The following ESRRG variants were observed in gnomAD, a reference collection of about 807,000 sequenced individuals.
The protein encoded by ESRRG is estrogen related receptor gamma.
ESRRG carries 13 observed loss-of-function variants against 44.0 expected under a neutral mutation model. That is an observed-to-expected ratio of 0.30 (90% CI 0.19 to 0.47). The LOEUF (loss-of-function observed/expected upper bound fraction) is 0.47, where lower values mean the gene tolerates loss of function less well. Among genes scored for constraint, ESRRG ranks in the 20% least tolerant of loss-of-function variants. The probability of loss-of-function intolerance (pLI) is 1.00; values close to 1 mark genes in which losing one functional copy is unlikely to be tolerated. For synonymous variants in ESRRG, 215 were observed against 214.6 expected (o/e 1.00, Z -0.02); for missense variants, 395 against 580.6 (o/e 0.68, Z 3.29).
chr1:216,868,770 T>C (rs2096213602), intron 2 of ESRRG, among the ~76,000 whole-genome samples: 2 of 152,222 alleles, frequency 1.3e-5, no homozygotes, highest in South Asian at 4.1e-4. Flanking sequence ...TCTAGTGATA[T>C]GCAATAAATT....
chr1:216,534,170 G>A (rs1498292), intron 5 of ESRRG, among the ~76,000 whole-genome samples: 6 of 152,152 alleles, frequency 3.9e-5, no homozygotes, highest in Non-Finnish European at 7.4e-5. Context: ...TTGCTCCCAC[G>A]AAGGCCACCT....
At chr1:216,875,232 T>C (rs1320551756) in intron 2 of ESRRG, among the ~76,000 whole-genome samples, 2 of 152,182 alleles carry the variant, frequency 1.3e-5, no homozygotes, top group Non-Finnish European at 1.5e-5. Flanking sequence ...CACTTTAACT[T>C]TTTAAAATTA....
chr1:216,692,253 G>A (rs2079180524), intron 1 of ESRRG, among the ~76,000 whole-genome samples: 1 of 151,836 alleles, frequency 6.6e-6, no homozygotes, highest in Admixed American at 6.6e-5. Flanking sequence ...AGGACTCGAT[G>A]TGGAGGTGGA....
chr1:217,119,213 A>C (rs1430540900), intron 1 of ESRRG, among the ~76,000 whole-genome samples: 2 of 152,216 alleles, frequency 1.3e-5, no homozygotes, highest in African/African-American at 4.8e-5. Flanking sequence ...TGCACAAGTC[A>C]ATTTTAAGGT....
chr1:216,831,256 T>C (rs2095483073), intron 2 of ESRRG, among the ~76,000 whole-genome samples: 1 of 152,162 alleles, frequency 6.6e-6, no homozygotes, highest in Admixed American at 6.5e-5. Flanking sequence ...ACCGATCAAC[T>C]GTTAATTAAA....
intron 2 of ESRRG, among the ~76,000 whole-genome samples, chr1:216,754,156 C>T (rs533149306): frequency 2.1e-4 from 32 of 152,124 alleles, no homozygotes; most frequent in Admixed American, 4.6e-4. Flanking sequence ...AAAACAAAAA[C>T]CCGAAACCTT....
chr1:217,021,780 A>T (rs1468204640), intron 1 of ESRRG, among the ~76,000 whole-genome samples: 1 of 152,198 alleles, frequency 6.6e-6, no homozygotes, highest in African/African-American at 2.4e-5. Context: ...TCTTGCTGAT[A>T]TTACACTACA....
At chr1:216,827,248 A>T (rs1206497365) in intron 2 of ESRRG, among the ~76,000 whole-genome samples, 1 of 152,192 alleles carries the variant, frequency 6.6e-6, no homozygotes, top group Non-Finnish European at 1.5e-5. Flanking sequence ...TGATATACTG[A>T]TCTGATTTTA....
At chr1:216,638,030 T>G (rs971444303) in intron 3 of ESRRG, among the ~76,000 whole-genome samples, 3 of 152,170 alleles carry the variant, frequency 2.0e-5, no homozygotes, top group Non-Finnish European at 4.4e-5. Context: ...AAGTCATATT[T>G]TATTGAGCAC....
chr1:216,587,123 A>G (rs1185190374), intron 3 of ESRRG, among the ~76,000 whole-genome samples: 4 of 152,226 alleles, frequency 2.6e-5, no homozygotes, highest in Non-Finnish European at 5.9e-5. Context: ...ATTTAGACAT[A>G]CATTCCATAG....
intron 1 of ESRRG, among the ~76,000 whole-genome samples, chr1:217,007,339 C>A (rs2077887558): frequency 1.3e-5 from 2 of 152,066 alleles, no homozygotes; most frequent in Admixed American, 1.3e-4. Context: ...TTTTCCCATA[C>A]TTCTATGTTA....
At chr1:216,537,200 G>T (rs2051234417) in intron 5 of ESRRG, among the ~76,000 whole-genome samples, 1 of 151,934 alleles carries the variant, frequency 6.6e-6, no homozygotes, top group Admixed American at 6.6e-5. Flanking sequence ...TGAAATTAGT[G>T]CCCTTATGAA....
At chr1:216,881,966 T>TG (rs765167278) in intron 2 of ESRRG, among the ~76,000 whole-genome samples, 3 of 124,682 alleles carry the variant, frequency 2.4e-5, no homozygotes, top group African/African-American at 3.4e-5. Flanking sequence ...TGCTATGCAC[T>TG]GGGTTTTTTT....
At chr1:216,891,916 T>C (rs897192120) in intron 2 of ESRRG, among the ~76,000 whole-genome samples, 1 of 151,184 alleles carries the variant, frequency 6.6e-6, no homozygotes. Flanking sequence ...TCTCCTGCCT[T>C]AGCCACCCGA....
intron 2 of ESRRG, among the ~76,000 whole-genome samples, chr1:216,660,356 C>T (rs180824623): frequency 6.6e-6 from 1 of 152,260 alleles, no homozygotes; most frequent in African/African-American, 2.4e-5. Flanking sequence ...AACACTAAGA[C>T]TCACAGGTAC....
chr1:216,676,526 G>A (rs74141633), intron 2 of ESRRG, among the ~76,000 whole-genome samples: 9,833 of 152,052 alleles, frequency 0.065, 1,049 homozygotes, highest in African/African-American at 0.22. Flanking sequence ...TCCCTGGACC[G>A]GCAGCATCAT....
intron 2 of ESRRG, among the ~76,000 whole-genome samples, chr1:216,759,395 C>A (rs1348998745): frequency 1.3e-5 from 2 of 152,090 alleles, no homozygotes; most frequent in African/African-American, 4.8e-5. Context: ...CCAGCTACAG[C>A]CCTGTGTACC....
intron 2 of ESRRG, among the ~76,000 whole-genome samples, chr1:216,666,445 A>T (rs1399576320): frequency 6.6e-6 from 1 of 152,264 alleles, no homozygotes; most frequent in Non-Finnish European, 1.5e-5. Flanking sequence ...AGCATTTAAC[A>T]TGCCGTTCAG....
At chr1:216,651,349 T>C (rs1299065184) in intron 2 of ESRRG, among the ~76,000 whole-genome samples, 1 of 152,124 alleles carries the variant, frequency 6.6e-6, no homozygotes, top group Non-Finnish European at 1.5e-5. Flanking sequence ...TTATGCTGAG[T>C]CCACCCATGC....
Sources: gnomAD v4.1 joint callset for allele counts (sites outside exome capture counted in the v4.1 genomes callset) on GRCh38, gnomAD v4.1.1 for gene constraint, MANE v1.5 for transcripts, NCBI Gene and HGNC (gene_info 2026-07-23, HGNC 2026-07-21) for gene names.